The following AUTS2 variants were observed in gnomAD, a reference collection of about 807,000 sequenced individuals.
AUTS2 encodes activator of transcription and developmental regulator AUTS2, also known as autism susceptibility gene 2 protein.
Under a neutral mutation model 112.4 loss-of-function variants are expected in AUTS2, and 17 were observed. That is an observed-to-expected ratio of 0.15 (90% CI 0.10 to 0.23). AUTS2 has a LOEUF of 0.23. AUTS2 is among the 10% of genes least tolerant of loss of function. The probability of loss-of-function intolerance (pLI) is 1.00; values close to 1 mark genes in which losing one functional copy is unlikely to be tolerated. For missense variants in AUTS2, 1,510 were observed against 1,701.6 expected, an observed-to-expected ratio of 0.89 and a Z score of 1.98; for synonymous variants, 751 against 702.7, an observed-to-expected ratio of 1.07 and a Z score of -1.09.
intron 4 of AUTS2, among the ~76,000 whole-genome samples, chr7:70,203,344 T>TAAAAAAAA (rs1229996091): frequency 9.0e-6 from 1 of 110,566 alleles, no homozygotes; most frequent in African/African-American, 3.5e-5. Flanking sequence ...TAGAGTATAA[T>TAAAAAAAA]AAAAAAAAAA....
At chr7:69,885,005 T>C (rs73168742) in intron 1 of AUTS2, among the ~76,000 whole-genome samples, 1 of 152,172 alleles carries the variant, frequency 6.6e-6, no homozygotes, top group African/African-American at 2.4e-5. Context: ...AAATTCTGTC[T>C]GGATAAATCC....
chr7:70,084,758 A>G (rs968420516), intron 2 of AUTS2, among the ~76,000 whole-genome samples: 1 of 152,154 alleles, frequency 6.6e-6, no homozygotes, highest in South Asian at 2.1e-4. Flanking sequence ...TTTATTCTGT[A>G]TACAAGACCT....
intron 1 of AUTS2, among the ~76,000 whole-genome samples, chr7:69,807,016 G>A (rs1054416496): frequency 6.6e-6 from 1 of 152,022 alleles, no homozygotes; most frequent in Non-Finnish European, 1.5e-5. Context: ...AGCAAGTGTG[G>A]CCAGCTTGCT....
chr7:70,053,229 A>G (rs1801833215), intron 2 of AUTS2, among the ~76,000 whole-genome samples: 1 of 152,188 alleles, frequency 6.6e-6, no homozygotes, highest in South Asian at 2.1e-4. Context: ...TAGATGTCCC[A>G]TTCCAGCCTT....
intron 1 of AUTS2, among the ~76,000 whole-genome samples, chr7:69,676,881 G>T (rs1055660466): frequency 3.3e-5 from 5 of 151,016 alleles, no homozygotes; most frequent in African/African-American, 1.2e-4. Context: ...TATTGAAGTA[G>T]ATTTTTTTCA....
intron 5 of AUTS2, among the ~76,000 whole-genome samples, chr7:70,493,838 T>C (rs1798345704): frequency 6.6e-6 from 1 of 152,214 alleles, no homozygotes; most frequent in Non-Finnish European, 1.5e-5. Context: ...TATAATATAC[T>C]AAGCACTGTT....
chr7:70,023,715 A>G (rs886433782), intron 2 of AUTS2, among the ~76,000 whole-genome samples: 1 of 152,224 alleles, frequency 6.6e-6, no homozygotes, highest in Non-Finnish European at 1.5e-5. Flanking sequence ...TCCAAGTGAA[A>G]TAATAAATAT....
At chr7:70,193,251 A>G (rs2129583820) in intron 4 of AUTS2, among the ~76,000 whole-genome samples, 1 of 152,278 alleles carries the variant, frequency 6.6e-6, no homozygotes, top group East Asian at 1.9e-4. Flanking sequence ...GGCATTATCT[A>G]AACGTATGCA....
chr7:70,245,007 C>T (rs1022741296), intron 4 of AUTS2, among the ~76,000 whole-genome samples: 1 of 150,834 alleles, frequency 6.6e-6, no homozygotes, highest in Non-Finnish European at 1.5e-5. Context: ...GTAATCCCAG[C>T]TACTTGGGAG....
chr7:70,753,453 G>A (rs1788991379), intron 6 of AUTS2, among the ~76,000 whole-genome samples: 1 of 152,176 alleles, frequency 6.6e-6, no homozygotes, highest in Admixed American at 6.5e-5. Context: ...CACTCTTGCA[G>A]TGTTTGAAAA....
intron 2 of AUTS2, among the ~76,000 whole-genome samples, chr7:70,108,734 G>A (rs1429231020): frequency 1.3e-5 from 2 of 148,758 alleles, no homozygotes; most frequent in African/African-American, 2.5e-5. Flanking sequence ...AGGCTGAGGT[G>A]GGTGGATCAC....
At chr7:70,380,339 G>T (rs1325995445) in intron 4 of AUTS2, among the ~76,000 whole-genome samples, 1 of 152,044 alleles carries the variant, frequency 6.6e-6, no homozygotes, top group Non-Finnish European at 1.5e-5. Context: ...TTAAGTATCA[G>T]AAGGGCAGAC....
At chr7:70,756,475 C>T (rs1789214690) in intron 6 of AUTS2, among the ~76,000 whole-genome samples, 1 of 152,052 alleles carries the variant, frequency 6.6e-6, no homozygotes, top group African/African-American at 2.4e-5. Flanking sequence ...TTTTTACTTT[C>T]TGGAATGAAA....
At chr7:70,536,979 C>T (rs1220076034) in intron 5 of AUTS2, among the ~76,000 whole-genome samples, 2 of 152,130 alleles carry the variant, frequency 1.3e-5, no homozygotes, top group African/African-American at 2.4e-5. Context: ...AGATGTATGG[C>T]TGACCTTCCA....
At chr7:70,636,671 G>C (rs1055541049) in intron 5 of AUTS2, among the ~76,000 whole-genome samples, 11 of 147,088 alleles carry the variant, frequency 7.5e-5, no homozygotes. Flanking sequence ...TTTTGAGACA[G>C]AGTCTCACTC....
At chr7:69,900,850 AG>A (rs2129540694) in intron 2 of AUTS2, among the ~76,000 whole-genome samples, 1 of 152,332 alleles carries the variant, frequency 6.6e-6, no homozygotes, top group African/African-American at 2.4e-5. Flanking sequence ...GCCAGACTGG[AG>A]TTATAATAGT....
intron 4 of AUTS2, among the ~76,000 whole-genome samples, chr7:70,328,231 G>C (rs1330385820): frequency 6.6e-6 from 1 of 152,066 alleles, no homozygotes; most frequent in Non-Finnish European, 1.5e-5. Context: ...GGTTTTGCTT[G>C]TTTGTTTTGA....
intron 2 of AUTS2, among the ~76,000 whole-genome samples, chr7:69,954,917 T>C (rs1043915544): frequency 2.6e-5 from 4 of 152,180 alleles, no homozygotes; most frequent in Admixed American, 6.5e-5. Context: ...CCAAATGGAT[T>C]TTGGGGGTTG....
At chr7:70,311,174 C>G (rs977279744) in intron 4 of AUTS2, among the ~76,000 whole-genome samples, 2 of 152,158 alleles carry the variant, frequency 1.3e-5, no homozygotes, top group African/African-American at 4.8e-5. Flanking sequence ...TATTGATTCT[C>G]TTATTGTACT....
Sources: allele counts gnomAD v4.1 joint callset (sites outside exome capture counted in the v4.1 genomes callset), GRCh38; gene constraint gnomAD v4.1.1; transcripts MANE v1.5; gene names NCBI Gene and HGNC (gene_info 2026-07-23, HGNC 2026-07-21).